Variants in PEPD observed in about 807,000 individuals in gnomAD.
PEPD encodes the protein peptidase D.
Under a neutral mutation model 60.7 loss-of-function variants are expected in PEPD, and 53 were observed. The observed-to-expected ratio is 0.87, with a 90% CI of 0.70 to 1.10. PEPD has a LOEUF of 1.10. Among genes scored for constraint, PEPD ranks in the 50% least tolerant of loss-of-function variants. PEPD has a pLI of 0.00. For missense variants in PEPD, 711 were observed against 711.9 expected (o/e 1.00, Z 0.01); for synonymous variants, 267 against 284.1 (o/e 0.94, Z 0.60).
intron 11 of PEPD, among the ~76,000 whole-genome samples, chr19:33,403,289 G>A (rs1056174805): frequency 2.6e-5 from 4 of 152,218 alleles, no homozygotes; most frequent in Admixed American, 6.5e-5. Context: ...CCTGGCTGGC[G>A]GAGGCTGGTC....
At chr19:33,428,303 C>T (rs1228546672) in intron 9 of PEPD, among the ~76,000 whole-genome samples, 1 of 152,206 alleles carries the variant, frequency 6.6e-6, no homozygotes, top group African/African-American at 2.4e-5. Flanking sequence ...AGGCATCACA[C>T]ACCTGTCCAG....
In PEPD at chr19:33,401,734, A is replaced by G. The variant is rs765164569; in HGVS notation, c.954T>C (p.Gly318=). 2 of 1,608,038 alleles carry G rather than the reference A, an allele frequency of 1.2e-6. No homozygotes were observed. The highest frequency in any genetic ancestry group is 2.2e-5 in the East Asian group (1 of 44,516). The change falls in exon 12 of 15, where the codon GGT becomes GGC. Residue 318 remains glycine (G), a synonymous_variant. Coordinates refer to ENST00000244137, the MANE Select transcript of PEPD (RefSeq NM_000285.4). ...CCCGCTGCTCACCTGGCTTCATGGC[A>G]CCCATGACGGCACGGGAGCTCCGCA... is the stretch of plus-strand genomic sequence containing the variant. ...AVLRSSRAVM[G]AMKPGVWWPD... is the part of the protein sequence containing the mutation.
intron 9 of PEPD, among the ~76,000 whole-genome samples, chr19:33,458,950 C>G (rs1969877011): frequency 7.8e-6 from 1 of 128,994 alleles, no homozygotes. Context: ...CCCATCTGTA[C>G]TCGAGGGGCG....
chr19:33,438,206 C>G (rs191501906), intron 9 of PEPD, among the ~76,000 whole-genome samples: 2 of 152,184 alleles, frequency 1.3e-5, no homozygotes, highest in South Asian at 2.1e-4. Context: ...CAGCTGGGCA[C>G]AGAGAGAAGA....
chr19:33,411,835 A>G (rs1388186819), intron 10 of PEPD, 86 bp from the exon 11 acceptor site: 7 of 817,222 alleles, frequency 8.6e-6, no homozygotes, highest in Non-Finnish European at 1.3e-5. Flanking sequence ...TCCCCTGCCC[A>G]TGAGCAGCAC....
At chr19:33,520,064 C>G (rs1029640562) in intron 1 of PEPD, among the ~76,000 whole-genome samples, 1 of 134,624 alleles carries the variant, frequency 7.4e-6, no homozygotes, top group African/African-American at 2.8e-5. Context: ...AACTACGTCT[C>G]AAAAAAAAAA....
intron 9 of PEPD, among the ~76,000 whole-genome samples, chr19:33,457,858 C>CAAAAACAGAA (rs71181358): frequency 0.49 from 75,110 of 151,896 alleles, 19,134 homozygotes; most frequent in African/African-American, 0.61. Context: ...AACAAGCAAA[C>CAAAAACAGAA]AAAAAGAGAA....
intron 10 of PEPD, among the ~76,000 whole-genome samples, chr19:33,412,881 C>T (rs942143577): frequency 1.3e-5 from 2 of 152,182 alleles, no homozygotes; most frequent in Admixed American, 6.5e-5. Context: ...ACAGCCAGGA[C>T]GCATGTGGGG....
At chr19:33,421,399 C>T (rs983420871) in intron 9 of PEPD, among the ~76,000 whole-genome samples, 5 of 152,222 alleles carry the variant, frequency 3.3e-5, no homozygotes, top group East Asian at 1.9e-4. Context: ...CCCGGTCCAG[C>T]GCAGGGGCTG....
chr19:33,394,727 C>G (rs1268343280), intron 12 of PEPD, among the ~76,000 whole-genome samples: 1 of 152,200 alleles, frequency 6.6e-6, no homozygotes, highest in African/African-American at 2.4e-5. Context: ...CACCGTCAAG[C>G]TCTCTAGTCC....
intron 9 of PEPD, among the ~76,000 whole-genome samples, chr19:33,428,470 T>C (rs980413313): frequency 6.6e-6 from 1 of 152,190 alleles, no homozygotes; most frequent in Non-Finnish European, 1.5e-5. Flanking sequence ...CAGGAGGTCA[T>C]GGCTAGAGGG....
chr19:33,411,206 G>A (rs1001011643), intron 11 of PEPD, among the ~76,000 whole-genome samples: 6 of 152,192 alleles, frequency 3.9e-5, no homozygotes, highest in African/African-American at 1.2e-4. Context: ...ACGCAGGGCC[G>A]CAGAGGCCAC....
chr19:33,498,249 G>C (rs1288883542), intron 4 of PEPD, among the ~76,000 whole-genome samples: 6 of 152,134 alleles, frequency 3.9e-5, no homozygotes, highest in African/African-American at 1.4e-4. Flanking sequence ...GGGTGCGGTG[G>C]GGTGCTCCCG....
chr19:33,435,494 G>A (rs1458632059), intron 9 of PEPD, among the ~76,000 whole-genome samples: 1 of 152,234 alleles, frequency 6.6e-6, no homozygotes, highest in African/African-American at 2.4e-5. Flanking sequence ...GCCGAGCCCA[G>A]ACGAAGGACA....
chr19:33,436,645 C>T (rs1568470408), intron 9 of PEPD, among the ~76,000 whole-genome samples: 1 of 152,260 alleles, frequency 6.6e-6, no homozygotes, highest in East Asian at 1.9e-4. Context: ...TTATTACCTC[C>T]TCCATCTTCC....
intron 2 of PEPD, 115 bp from the exon 3 acceptor site, chr19:33,511,270 T>C (rs1970921780): frequency 3.8e-6 from 4 of 1,048,380 alleles, no homozygotes; most frequent in South Asian, 1.3e-5. Context: ...CTCCTGTAAC[T>C]GACCCCAGCC....
At chr19:33,469,305 A>T (rs1280835998) in intron 7 of PEPD, among the ~76,000 whole-genome samples, 1 of 152,102 alleles carries the variant, frequency 6.6e-6, no homozygotes, top group Admixed American at 6.5e-5. Context: ...CTGCCAGGGG[A>T]AGTCATGCAC....
intron 12 of PEPD, among the ~76,000 whole-genome samples, chr19:33,394,119 C>G (rs977030216): frequency 6.6e-6 from 1 of 152,234 alleles, no homozygotes; most frequent in Non-Finnish European, 1.5e-5. Flanking sequence ...GAGTGCCCCT[C>G]AGGTCTCCCA....
intron 7 of PEPD, among the ~76,000 whole-genome samples, chr19:33,477,687 G>A (rs542116152): frequency 2.0e-5 from 3 of 152,318 alleles, no homozygotes; most frequent in East Asian, 3.9e-4. Context: ...AGACACATGC[G>A]TGACATGTTT....
Sources: gnomAD v4.1 joint callset for allele counts (sites outside exome capture counted in the v4.1 genomes callset) on GRCh38, gnomAD v4.1.1 for gene constraint, MANE v1.5 for transcripts, NCBI Gene and HGNC (gene_info 2026-07-23, HGNC 2026-07-21) for gene names.